EYS: variants seen among roughly 807,000 people sequenced by gnomAD.
EYS encodes protein eyes shut homolog.
Under a neutral mutation model 282.1 loss-of-function variants are expected in EYS, and 250 were observed. The observed-to-expected ratio is 0.89, with a 90% CI of 0.80 to 0.98. The LOEUF (loss-of-function observed/expected upper bound fraction) is 0.98. Among genes scored for constraint, EYS ranks in the 50% least tolerant of loss-of-function variants. The pLI, the probability that EYS is intolerant of heterozygous loss-of-function variation, is 0.00. For synonymous variants in EYS, 1,355 were observed against 1,282.9 expected (o/e 1.06, Z -1.20); for missense variants, 4,016 against 3,709.0 (o/e 1.08, Z -2.15).
intron 26 of EYS, among the ~76,000 whole-genome samples, chr6:64,575,126 C>T (rs543758458): frequency 3.4e-4 from 52 of 152,218 alleles, no homozygotes; most frequent in African/African-American, 1.1e-3. Flanking sequence ...AAAAGTATAG[C>T]ACCTAGTCAT....
intron 5 of EYS, among the ~76,000 whole-genome samples, chr6:65,449,955 C>T (rs76209367): frequency 0.016 from 2,390 of 152,172 alleles, 69 homozygotes; most frequent in African/African-American, 0.055. Context: ...ATTTTAAACA[C>T]TTTAGCACAT....
intron 35 of EYS, among the ~76,000 whole-genome samples, chr6:63,941,422 C>A (rs1179498204): frequency 7.2e-5 from 11 of 152,174 alleles, no homozygotes. Context: ...ATTTGCATTT[C>A]TCTGATGGCC....
At chr6:64,205,200 C>CA (rs970387188) in intron 31 of EYS, among the ~76,000 whole-genome samples, 1 of 151,896 alleles carries the variant, frequency 6.6e-6, no homozygotes, top group African/African-American at 2.4e-5. Flanking sequence ...CCATAGAAAC[C>CA]AAAAAAATTT....
chr6:65,672,854 C>T (rs1768440261), intron 1 of EYS, among the ~76,000 whole-genome samples: 1 of 151,978 alleles, frequency 6.6e-6, no homozygotes, highest in Non-Finnish European at 1.5e-5. Flanking sequence ...CGGGCTGAGT[C>T]CAAAAAGAGA....
chr6:64,626,098 C>A (rs1767600406), intron 23 of EYS, 23 bp downstream of exon 23: 21 of 1,377,874 alleles, frequency 1.5e-5, no homozygotes, highest in Non-Finnish European at 2.0e-5. Flanking sequence ...ATGCAGTATG[C>A]TTATTATTTT....
At chr6:64,258,518 C>T (rs1185398542) in intron 30 of EYS, among the ~76,000 whole-genome samples, 2 of 151,980 alleles carry the variant, frequency 1.3e-5, no homozygotes, top group Non-Finnish European at 1.5e-5. Flanking sequence ...AAAAGTGTGA[C>T]CCTTGAATCT....
chr6:64,796,458 C>G (rs1038221445), intron 22 of EYS, among the ~76,000 whole-genome samples: 11 of 152,070 alleles, frequency 7.2e-5, no homozygotes, highest in African/African-American at 2.7e-4. Flanking sequence ...GAGTAGGAGA[C>G]AGGAGTTAGA....
At chr6:64,881,786 A>T (rs1318159511) in intron 19 of EYS, among the ~76,000 whole-genome samples, 2 of 151,856 alleles carry the variant, frequency 1.3e-5, no homozygotes, top group Non-Finnish European at 2.9e-5. Flanking sequence ...CTAGAATATA[A>T]ATCTTCAATG....
At chr6:64,071,573 GAAA>G (rs767208410) in intron 32 of EYS, among the ~76,000 whole-genome samples, 15,472 of 150,172 alleles carry the variant, frequency 0.1, 1,436 homozygotes, top group African/African-American at 0.26. Context: ...CTTTAACAAA[GAAA>G]AATCAGCTAA....
chr6:65,488,104 G>C (rs916147889), intron 5 of EYS, among the ~76,000 whole-genome samples: 1 of 151,734 alleles, frequency 6.6e-6, no homozygotes, highest in Non-Finnish European at 1.5e-5. Flanking sequence ...TATCTATTTT[G>C]TTGATCTTTT....
intron 40 of EYS, among the ~76,000 whole-genome samples, chr6:63,770,160 C>A (rs1467828862): frequency 6.6e-6 from 1 of 151,950 alleles, no homozygotes; most frequent in Non-Finnish European, 1.5e-5. Flanking sequence ...TGATGTAGTA[C>A]TTAATCAAAG....
Position 63,945,125 on chromosome 6 carries a change from A to G in EYS, c.7055+39258T>C, listed in dbSNP as rs1004931606. 2.0e-5 allele frequency among the ~76,000 whole-genome samples: 3 copies of G among 152,132 alleles called. No individual in the cohort carries two copies. The East Asian group carries it at 5.8e-4, about 29-fold the overall frequency. ...CTTTCTCACACTGCTCTGAAGGAAT[A>G]CCCGAGACTGGGTAATTTAAGAAGG... is the stretch of plus-strand genomic sequence containing the variant. On this transcript the variant is annotated intron_variant, in intron 35 of 42. Transcript: ENST00000503581.
intron 31 of EYS, among the ~76,000 whole-genome samples, chr6:64,164,306 T>C (rs1775200095): frequency 6.6e-6 from 1 of 152,130 alleles, no homozygotes; most frequent in African/African-American, 2.4e-5. Context: ...TTGCTACAGC[T>C]TAAAATACTT....
rs186094097 is a variant in EYS, at chr6:64,447,759, T to A, written c.5645-8407A>T. On this transcript the variant is annotated intron_variant, in intron 26 of 42. Transcript: ENST00000503581. ...TAGTGGCAGATTATATGAAAATAGA[T>A]TATTGCAAGGGAATGTCCAGGAGGA... Among the ~76,000 whole-genome samples, 445 of 152,312 alleles carry A rather than the reference T, an allele frequency of 2.9e-3. 2 individuals are homozygous for A. Among genetic ancestry groups the A allele is most frequent in the Non-Finnish European group, 4.6e-3 (312 of 68,020 alleles).
chr6:65,241,272 G>T (rs1171913412), intron 12 of EYS, among the ~76,000 whole-genome samples: 1 of 152,042 alleles, frequency 6.6e-6, no homozygotes, highest in African/African-American at 2.4e-5. Flanking sequence ...TTTTATTTAT[G>T]AAAGTCCTCT....
intron 14 of EYS, among the ~76,000 whole-genome samples, chr6:64,965,013 CAG>C (rs1228035521): frequency 3.3e-5 from 5 of 151,986 alleles, no homozygotes; most frequent in Non-Finnish European, 7.4e-5. Context: ...TGCTGGATGA[CAG>C]AGTGAGACTC....
At chr6:65,252,007 T>A (rs1767338206) in intron 12 of EYS, among the ~76,000 whole-genome samples, 1 of 152,046 alleles carries the variant, frequency 6.6e-6, no homozygotes. Context: ...GGAACTTTCC[T>A]TTCTGTTTGC....
intron 26 of EYS, among the ~76,000 whole-genome samples, chr6:64,450,197 G>A: frequency 6.6e-6 from 1 of 151,672 alleles, no homozygotes; most frequent in Non-Finnish European, 1.5e-5. Flanking sequence ...AAAAAGGCAG[G>A]GGTTGCAATC....
At chr6:64,126,996 T>G (rs1438207728) in intron 31 of EYS, among the ~76,000 whole-genome samples, 2 of 152,138 alleles carry the variant, frequency 1.3e-5, no homozygotes, top group Non-Finnish European at 2.9e-5. Flanking sequence ...TGTGAAATGC[T>G]CAGCTGACCT....
Sources: allele counts gnomAD v4.1 joint callset (sites outside exome capture counted in the v4.1 genomes callset), GRCh38; gene constraint gnomAD v4.1.1; transcripts MANE v1.5; gene names NCBI Gene and HGNC (gene_info 2026-07-23, HGNC 2026-07-21).